Variants in XRCC2 observed in about 807,000 individuals in gnomAD.
XRCC2 encodes DNA repair protein XRCC2.
A neutral mutation model predicts 27.3 loss-of-function variants in XRCC2; 24 were observed. The ratio of observed to expected loss-of-function variants is 0.88; its 90% confidence interval spans 0.64 to 1.24. The LOEUF is 1.24. Among genes scored for constraint, XRCC2 ranks in the 50% most tolerant of loss-of-function variants. The pLI is 0.00. For synonymous variants in XRCC2, 106 were observed against 115.4 expected (o/e 0.92, Z 0.52); for missense variants, 321 against 325.8 (o/e 0.99, Z 0.11).
chr7:152,665,019 A>C (rs991399797), intron 1 of XRCC2, among the ~76,000 whole-genome samples: 3 of 152,128 alleles, frequency 2.0e-5, no homozygotes, highest in Non-Finnish European at 4.4e-5. Flanking sequence ...ACAGAACTCC[A>C]AACACCAAAT....
chr7:152,670,240 G>A (rs1018343372), intron 1 of XRCC2, among the ~76,000 whole-genome samples: 7 of 152,174 alleles, frequency 4.6e-5, no homozygotes, highest in African/African-American at 1.7e-4. Flanking sequence ...AGCTATTACT[G>A]TCCTTAAGAA....
chr7:152,675,863 G>T (rs2098040819), intron 1 of XRCC2, among the ~76,000 whole-genome samples, 178 bp downstream of exon 1: 1 of 152,064 alleles, frequency 6.6e-6, no homozygotes, highest in Non-Finnish European at 1.5e-5. Context: ...GACCCCTGGG[G>T]CCCAGGTGAG....
chr7:152,649,761 C>T (rs954591093), intron 2 of XRCC2, among the ~76,000 whole-genome samples: 8 of 152,174 alleles, frequency 5.3e-5, no homozygotes, highest in African/African-American at 1.9e-4. Context: ...GGAAATGTGT[C>T]CACTTTAAAA....
intron 2 of XRCC2, among the ~76,000 whole-genome samples, chr7:152,655,802 G>T (rs1278582911): frequency 6.6e-6 from 1 of 152,058 alleles, no homozygotes; most frequent in East Asian, 1.9e-4. Flanking sequence ...CTTGAGGTCA[G>T]GAGTTCAAGA....
intron 1 of XRCC2, among the ~76,000 whole-genome samples, chr7:152,671,197 A>G (rs1399594973): frequency 6.6e-6 from 1 of 152,192 alleles, no homozygotes; most frequent in East Asian, 1.9e-4. Flanking sequence ...CCTGGGCGAC[A>G]GAGTAAGACT....
rs1590129796 is a variant in XRCC2, at chr7:152,649,309, T to C, written c.176A>G (p.Tyr59Cys). The C allele has an allele frequency of 8.7e-6, 14 of 1,611,614 alleles. No homozygotes were observed. Among genetic ancestry groups the C allele is most frequent in the Non-Finnish European group, 1.2e-5 (14 of 1,179,504 alleles). The change falls in exon 3 of 3, where the codon TAT becomes TGT. Residue 59 changes from tyrosine to cysteine, a missense_variant. Coordinates refer to ENST00000359321, the MANE Select transcript of XRCC2 (RefSeq NM_005431.2). ...PEGTGKTEML[Y>C]HLTARCILPK... Reference sequence around the variant, plus strand: ...AAGTATACATCGTGCTGTTAGGTGATAAAGCATTTCTGTTTTTCCTGTTCC... The same window carrying C: ...AAGTATACATCGTGCTGTTAGGTGACAAAGCATTTCTGTTTTTCCTGTTCC...
At chr7:152,669,981 G>A (rs2098037515) in intron 1 of XRCC2, among the ~76,000 whole-genome samples, 1 of 151,502 alleles carries the variant, frequency 6.6e-6, no homozygotes, top group African/African-American at 2.4e-5. Flanking sequence ...TGCTGTAACA[G>A]AAATACACAT....
intron 1 of XRCC2, among the ~76,000 whole-genome samples, chr7:152,666,501 C>T (rs2098035767): frequency 6.6e-6 from 1 of 152,040 alleles, no homozygotes; most frequent in African/African-American, 2.4e-5. Context: ...CATGAGCCAC[C>T]ATGCCCAGTG....
In XRCC2 at chr7:152,676,121, C is replaced by A. The variant is rs1057521002; in HGVS notation, c.-42G>T. ...CGCAGGAGAGACTCAACTTTCCCGC[C>A]ACCAACGCCATTCACCAACTGCGCA... is the stretch of plus-strand genomic sequence containing the variant. On this transcript the variant is annotated 5_prime_UTR_variant, in exon 1 of 3. Transcript: ENST00000359321. 5.6e-6 allele frequency: 9 copies of A among 1,613,214 alleles called. No homozygotes were observed. The highest frequency in any genetic ancestry group is 7.6e-6 in the Non-Finnish European group (9 of 1,179,612).
At chr7:152,665,723 C>T (rs2098035336) in intron 1 of XRCC2, among the ~76,000 whole-genome samples, 1 of 151,918 alleles carries the variant, frequency 6.6e-6, no homozygotes, top group African/African-American at 2.4e-5. Context: ...CTCAAGTGAT[C>T]CACCTGCCTT....
At position 152,660,688 on chromosome 7, in the gene XRCC2, T is replaced by G. The variant is rs752187319; in HGVS notation, c.121+13A>C. On this transcript the variant is annotated intron_variant, in intron 2 of 2. Transcript: ENST00000359321. Reference sequence around the variant, plus strand: ...AGATTTGCATTTATTTATATAAAGGTTGTATTTTTTACCATGCACAGGTGA... The same window carrying G: ...AGATTTGCATTTATTTATATAAAGGGTGTATTTTTTACCATGCACAGGTGA... 1 of 1,599,834 alleles carries G rather than the reference T, an allele frequency of 6.3e-7. No homozygotes were observed. Among genetic ancestry groups the G allele is most frequent in the Middle Eastern group, 1.7e-4 (1 of 5,840 alleles).
intron 2 of XRCC2, among the ~76,000 whole-genome samples, chr7:152,659,364 G>A (rs73166435): frequency 0.067 from 10,169 of 152,180 alleles, 426 homozygotes; most frequent in Middle Eastern, 0.12. Flanking sequence ...TAGAGATGGG[G>A]GTTTCACCAT....
At chr7:152,662,833 A>G (rs1385382032) in intron 1 of XRCC2, among the ~76,000 whole-genome samples, 2 of 151,916 alleles carry the variant, frequency 1.3e-5, no homozygotes, top group Non-Finnish European at 2.9e-5. Flanking sequence ...TCGGCCTCCC[A>G]AAGTGCTGGG....
chr7:152,663,327 C>A (rs1180281517), intron 1 of XRCC2, among the ~76,000 whole-genome samples: 3 of 85,604 alleles, frequency 3.5e-5, no homozygotes, highest in Admixed American at 1.8e-4. Context: ...ACCAGCTTTA[C>A]GTAAGAATGT....
At chr7:152,669,611 C>T (rs2098037348) in intron 1 of XRCC2, among the ~76,000 whole-genome samples, 1 of 151,830 alleles carries the variant, frequency 6.6e-6, no homozygotes, top group Non-Finnish European at 1.5e-5. Flanking sequence ...CCATGTTGGC[C>T]AGGCTGGTCT....
At chr7:152,667,829 C>T (rs1391973432) in intron 1 of XRCC2, among the ~76,000 whole-genome samples, 2 of 151,880 alleles carry the variant, frequency 1.3e-5, no homozygotes, top group African/African-American at 4.8e-5. Context: ...AGTTCCAGAC[C>T]AGCCTGGCTG....
Position 152,648,439 on chromosome 7 carries a change from G to A in XRCC2, c.*203C>T. 2.5e-6 allele frequency: 1 copy of A among 397,596 alleles called. No individual in the cohort carries two copies. The allele number at this position is 397,596 out of a possible 1,614,324, so 24.6% of individuals were successfully genotyped here. ...AAAAAAAAAAAAAAAGAAAACTTTTGGCCACGAGCAGTGGCTCACGCCTGT... is the reference window on the plus strand; with the variant it reads ...AAAAAAAAAAAAAAAGAAAACTTTTAGCCACGAGCAGTGGCTCACGCCTGT... On this transcript the variant is annotated 3_prime_UTR_variant, in exon 3 of 3. Coordinates refer to ENST00000359321, the MANE Select transcript of XRCC2 (RefSeq NM_005431.2).
In XRCC2 at chr7:152,646,297, A is replaced by C. The variant is rs567334511; in HGVS notation, c.*2345T>G. On this transcript the variant is annotated 3_prime_UTR_variant, in exon 3 of 3. Transcript: ENST00000359321. ...TCTTGCCACGTATTCTAAGTCTGTG[A>C]GAGGGTGTGTGTGTGTGTGTGTGTG... 3.3e-5 allele frequency: 1 copy of C among 30,004 alleles called. No homozygotes were observed. The highest frequency in any genetic ancestry group is 6.5e-5 in the Non-Finnish European group (1 of 15,484). 1.9% of individuals were successfully genotyped at this position (30,004 alleles called of 1,614,324 possible).
intron 2 of XRCC2, among the ~76,000 whole-genome samples, chr7:152,652,530 C>A (rs1446892841): frequency 6.6e-6 from 1 of 152,196 alleles, no homozygotes; most frequent in Non-Finnish European, 1.5e-5. Flanking sequence ...CTGCTTCAGA[C>A]ATATCCTGTT....
Sources: gnomAD v4.1 joint callset for allele counts (sites outside exome capture counted in the v4.1 genomes callset) on GRCh38, gnomAD v4.1.1 for gene constraint, MANE v1.5 for transcripts, NCBI Gene and HGNC (gene_info 2026-07-23, HGNC 2026-07-21) for gene names.